The following LPIN2 variants were observed in gnomAD, a reference collection of about 807,000 sequenced individuals.
LPIN2 encodes the protein phosphatidate phosphatase LPIN2.
In LPIN2, 55 loss-of-function variants were observed where a neutral mutation model predicts 111.4. That is an observed-to-expected ratio of 0.49 (90% CI 0.40 to 0.62). The LOEUF is 0.62. LPIN2 is among the 20% of genes least tolerant of loss of function. The probability of loss-of-function intolerance (pLI) is 0.00; values close to 1 mark genes in which losing one functional copy is unlikely to be tolerated. For missense variants in LPIN2, 992 were observed against 1,112.1 expected, an observed-to-expected ratio of 0.89 and a Z score of 1.54; for synonymous variants, 425 against 414.0, an observed-to-expected ratio of 1.03 and a Z score of -0.32.
At chr18:2,935,252 C>A (rs2144182196) in intron 7 of LPIN2, among the ~76,000 whole-genome samples, 2 of 152,284 alleles carry the variant, frequency 1.3e-5, no homozygotes, top group East Asian at 3.9e-4. Flanking sequence ...TATCACTAAA[C>A]TTAATTTCAC....
chr18:2,975,485 C>T (rs2077997487), intron 1 of LPIN2, among the ~76,000 whole-genome samples: 1 of 152,134 alleles, frequency 6.6e-6, no homozygotes, highest in African/African-American at 2.4e-5. Context: ...CAGGCGCGTG[C>T]CACCATGCCC....
intron 1 of LPIN2, among the ~76,000 whole-genome samples, chr18:2,985,889 T>C (rs539393531): frequency 6.6e-5 from 10 of 152,374 alleles, no homozygotes; most frequent in South Asian, 2.1e-4. Flanking sequence ...AAACTAAGTT[T>C]TGATTATTAA....
At chr18:2,921,670 A>G (rs542682693) in intron 17 of LPIN2, 23 bp from the exon 18 acceptor site, 221 of 1,499,720 alleles carry the variant, frequency 1.5e-4, no homozygotes, top group East Asian at 1.1e-3. Context: ...TACAAATACA[A>G]TCACCAATCT....
intron 4 of LPIN2, chr18:2,950,493 C>T (rs1034578308): frequency 5.8e-4 from 91 of 156,578 alleles, no homozygotes; most frequent in African/African-American, 2.0e-3. Flanking sequence ...TGGAAGAAAA[C>T]GGAATCTTGA....
intron 4 of LPIN2, chr18:2,945,558 G>A: frequency 2.0e-6 from 3 of 1,475,022 alleles, no homozygotes; most frequent in Admixed American, 3.3e-5. Context: ...AATCTGCTGT[G>A]TCGTCTTTTT....
chr18:3,005,346 C>T (rs563424524), intron 1 of LPIN2, among the ~76,000 whole-genome samples: 5 of 149,044 alleles, frequency 3.4e-5, no homozygotes, highest in South Asian at 2.1e-4. Context: ...AGCAAGACTC[C>T]GTCTCAAAAA....
intron 1 of LPIN2, among the ~76,000 whole-genome samples, chr18:3,009,902 TAA>T (rs1319431038): frequency 2.0e-5 from 3 of 152,230 alleles, no homozygotes; most frequent in Non-Finnish European, 4.4e-5. Context: ...AAAGTGACAT[TAA>T]GAGTTTTATC....
chr18:2,960,366 T>G (rs576175152), intron 2 of LPIN2, among the ~76,000 whole-genome samples: 4 of 152,266 alleles, frequency 2.6e-5, no homozygotes, highest in South Asian at 2.1e-4. Context: ...CTTTTCTGAG[T>G]TGCAACATGT....
At chr18:2,939,166 A>T (rs533416443) in intron 6 of LPIN2, among the ~76,000 whole-genome samples, 32 of 152,344 alleles carry the variant, frequency 2.1e-4, no homozygotes, top group African/African-American at 7.0e-4. Flanking sequence ...TGTCTCCAAA[A>T]AATAAAAAAT....
chr18:2,950,713 G>A (rs1475942650), intron 4 of LPIN2: 2 of 356,298 alleles, frequency 5.6e-6, no homozygotes, highest in Non-Finnish European at 1.1e-5. Flanking sequence ...AAGGCCACTG[G>A]GTAGGGAAAT....
At chr18:2,926,445 G>A (rs192559933) in intron 13 of LPIN2, among the ~76,000 whole-genome samples, 1 of 152,370 alleles carries the variant, frequency 6.6e-6, no homozygotes, top group East Asian at 1.9e-4. Context: ...AGGGGGAGCA[G>A]AGGCACCTGG....
At chr18:2,971,359 G>C (rs942603637) in intron 1 of LPIN2, among the ~76,000 whole-genome samples, 1 of 152,158 alleles carries the variant, frequency 6.6e-6, no homozygotes, top group Non-Finnish European at 1.5e-5. Context: ...GGATGTGTGG[G>C]CTCAGCGGCT....
chr18:2,935,645 A>C (rs573157722), intron 7 of LPIN2, among the ~76,000 whole-genome samples: 1 of 152,370 alleles, frequency 6.6e-6, no homozygotes, highest in Non-Finnish European at 1.5e-5. Context: ...TGTAAACATG[A>C]ATTCTTCAAG....
At chr18:2,921,993 A>T (rs1472247886) in intron 17 of LPIN2, 54 bp downstream of exon 17, 1 of 1,571,936 alleles carries the variant, frequency 6.4e-7, no homozygotes, top group East Asian at 2.3e-5. Context: ...CCTTGGGCCC[A>T]GCCCCGCCCA....
chr18:2,990,909 C>A, intron 1 of LPIN2: 1 of 547,168 alleles, frequency 1.8e-6, no homozygotes, highest in African/African-American at 1.9e-5. Context: ...TGGTATGATG[C>A]CAGCACCCCA....
chr18:3,005,409 T>C (rs1022462829), intron 1 of LPIN2, among the ~76,000 whole-genome samples: 1 of 151,354 alleles, frequency 6.6e-6, no homozygotes, highest in Non-Finnish European at 1.5e-5. Flanking sequence ...GCACAGTGGC[T>C]CATGCCTGTA....
intron 1 of LPIN2, chr18:2,982,635 A>G (rs2143380538): frequency 9.3e-7 from 1 of 1,071,806 alleles, no homozygotes; most frequent in Non-Finnish European, 1.3e-6. Flanking sequence ...GCAAGCAGCG[A>G]AGGGAGCAGG....
intron 1 of LPIN2, among the ~76,000 whole-genome samples, chr18:3,009,979 A>ACTC (rs1230730774): frequency 6.6e-6 from 1 of 152,108 alleles, no homozygotes; most frequent in Non-Finnish European, 1.5e-5. Context: ...TCTGACTGAG[A>ACTC]AGTTGAGCAG....
intron 4 of LPIN2, chr18:2,946,052 T>C (rs757851686): frequency 2.6e-5 from 37 of 1,433,754 alleles, no homozygotes; most frequent in Non-Finnish European, 3.4e-5. Flanking sequence ...CGATATGTCT[T>C]TGAACACCCT....
Sources: allele counts gnomAD v4.1 joint callset (sites outside exome capture counted in the v4.1 genomes callset), GRCh38; gene constraint gnomAD v4.1.1; transcripts MANE v1.5; gene names NCBI Gene and HGNC (gene_info 2026-07-23, HGNC 2026-07-21).